NUP133: variants seen among roughly 807,000 people sequenced by gnomAD.
NUP133 encodes nucleoporin 133.
In NUP133, 66 loss-of-function variants were observed where a neutral mutation model predicts 146.2. The observed-to-expected ratio is 0.45, with a 90% CI of 0.37 to 0.55. NUP133 has a LOEUF of 0.55. Among genes scored for constraint, NUP133 ranks in the 20% least tolerant of loss-of-function variants. The pLI is 0.00. For missense variants in NUP133, 1,277 were observed against 1,374.8 expected (o/e 0.93, Z 1.12); for synonymous variants, 521 against 498.8 (o/e 1.04, Z -0.59).
chr1:229,452,717 A>G, intron 21 of NUP133, 74 bp from the exon 22 acceptor site: 1 of 1,125,228 alleles, frequency 8.9e-7, no homozygotes, highest in Non-Finnish European at 1.3e-6. Flanking sequence ...TTGCTGTCAT[A>G]AAACAAATCT....
chr1:229,444,157 C>T (rs964139989), intron 25 of NUP133, among the ~76,000 whole-genome samples: 7 of 151,840 alleles, frequency 4.6e-5, no homozygotes, highest in Admixed American at 1.3e-4. Flanking sequence ...ATGGTGAAAC[C>T]CTGTCTCTAC....
chr1:229,442,319 T>C (rs1013404348), intron 25 of NUP133, among the ~76,000 whole-genome samples: 1 of 152,250 alleles, frequency 6.6e-6, no homozygotes, highest in Non-Finnish European at 1.5e-5. Context: ...TTTTCATGTA[T>C]TCCCAAGCTT....
chr1:229,495,128 C>T (rs1661624037), intron 8 of NUP133, among the ~76,000 whole-genome samples: 1 of 152,190 alleles, frequency 6.6e-6, no homozygotes, highest in African/African-American at 2.4e-5. Flanking sequence ...GTGGCTCACA[C>T]CCGTAATCGC....
intron 21 of NUP133, 99 bp downstream of exon 21, chr1:229,458,062 T>A: frequency 7.9e-7 from 1 of 1,269,260 alleles, no homozygotes; most frequent in Non-Finnish European, 1.1e-6. Context: ...ACAGGTCCTG[T>A]TTCTAAGAGA....
In NUP133 at chr1:229,508,312, C is replaced by T. The variant is rs1404256129; in HGVS notation, c.-63G>A. On this transcript the variant is annotated 5_prime_UTR_variant, in exon 1 of 26. Transcript: ENST00000261396. ...GGCCGTCAGGTTGCAGCCTGGCCTG[C>T]GCGCGGAACTTAAACACCTAAGGGA... 7.9e-7 allele frequency: 1 copy of T among 1,268,918 alleles called. No homozygotes were observed. Among genetic ancestry groups the T allele is most frequent in the Non-Finnish European group, 1.0e-6 (1 of 968,302 alleles). The allele number at this position is 1,268,918 out of a possible 1,614,324, so 78.6% of individuals were successfully genotyped here.
intron 6 of NUP133, among the ~76,000 whole-genome samples, chr1:229,496,844 A>G (rs530244549): frequency 3.7e-4 from 57 of 152,314 alleles, no homozygotes; most frequent in Non-Finnish European, 5.3e-4. Flanking sequence ...AAAATAAAAA[A>G]TAATGAAAAA....
intron 6 of NUP133, among the ~76,000 whole-genome samples, 193 bp downstream of exon 6, chr1:229,497,943 A>G (rs1309659048): frequency 1.3e-5 from 2 of 152,260 alleles, no homozygotes; most frequent in African/African-American, 4.8e-5. Flanking sequence ...TAAAGATTTT[A>G]GTGTTACAAG....
chr1:229,446,195 T>C (rs1278373770), intron 24 of NUP133, among the ~76,000 whole-genome samples: 1 of 151,760 alleles, frequency 6.6e-6, no homozygotes, highest in Admixed American at 6.6e-5. Flanking sequence ...TCACCTGAGG[T>C]TGGGAGTTTG....
At chr1:229,462,643 G>A (rs775132827) in intron 19 of NUP133, among the ~76,000 whole-genome samples, 30 of 151,834 alleles carry the variant, frequency 2.0e-4, no homozygotes, top group Non-Finnish European at 3.5e-4. Context: ...CACTGGCCTT[G>A]ACCTCCTGGG....
intron 12 of NUP133, among the ~76,000 whole-genome samples, chr1:229,478,455 G>C (rs73095917): frequency 1.3e-5 from 2 of 151,752 alleles, no homozygotes; most frequent in African/African-American, 4.9e-5. Context: ...GGGAGAACTG[G>C]GGGAGGGGTA....
At chr1:229,485,833 C>T (rs1661335248) in intron 11 of NUP133, among the ~76,000 whole-genome samples, 1 of 152,116 alleles carries the variant, frequency 6.6e-6, no homozygotes, top group African/African-American at 2.4e-5. Context: ...AAAACTGTCT[C>T]AGTTTTGAGA....
chr1:229,499,601 T>C (rs1661746720), intron 5 of NUP133, 83 bp downstream of exon 5: 1 of 1,432,450 alleles, frequency 7.0e-7, no homozygotes, highest in South Asian at 1.4e-5. Flanking sequence ...AGATCCCACC[T>C]CTATTTAAAA....
At chr1:229,445,643 ACTAT>A (rs1457841342) in intron 24 of NUP133, among the ~76,000 whole-genome samples, 1 of 152,200 alleles carries the variant, frequency 6.6e-6, no homozygotes, top group African/African-American at 2.4e-5. Flanking sequence ...TGTAGTTGTG[ACTAT>A]CTACTACTAA....
chr1:229,446,926 A>ACCAGCCTGACCAACATG (rs1395363861), intron 24 of NUP133, among the ~76,000 whole-genome samples: 5 of 152,054 alleles, frequency 3.3e-5, no homozygotes, highest in Admixed American at 2.0e-4. Context: ...GGAGTTCGAG[A>ACCAGCCTGACCAACATG]CCAGCCTGAC....
intron 9 of NUP133, among the ~76,000 whole-genome samples, chr1:229,488,677 C>A (rs4925495): frequency 9.4e-4 from 124 of 132,252 alleles, no homozygotes; most frequent in South Asian, 8.1e-3. Flanking sequence ...GAGTAAGGAT[C>A]AAAAAAAAAA....
rs148628311 is a variant in NUP133 at position 229,487,612 on chromosome 1, G to A, written c.1196C>T (p.Ser399Phe). 5,927 of 1,588,574 alleles carry A rather than the reference G, an allele frequency of 3.7e-3. 23 individuals carry two copies. The highest frequency in any genetic ancestry group is 4.1e-3 in the Non-Finnish European group (4,780 of 1,172,374). Residue 399 changes from serine (S) to phenylalanine (F), a missense_variant and splice_region_variant, in exon 10 of 26, where the codon TCT becomes TTT. Coordinates refer to ENST00000261396, the MANE Select transcript of NUP133 (RefSeq NM_018230.3). ...CAACTGACACAAAATCAGGTCTTCAGACTGAAAGTTAAATTTAAGATTACA... is the reference window on the plus strand; with the variant it reads ...CAACTGACACAAAATCAGGTCTTCAAACTGAAAGTTAAATTTAAGATTACA... Reference protein sequence around the residue: ...EVTQYNPPFQSEDLILCQLTV... With the variant: ...EVTQYNPPFQFEDLILCQLTV...
At chr1:229,470,990 C>G (rs1660943015) in intron 14 of NUP133, among the ~76,000 whole-genome samples, 186 bp from the exon 15 acceptor site, 1 of 152,160 alleles carries the variant, frequency 6.6e-6, no homozygotes, top group African/African-American at 2.4e-5. Context: ...GCCATTAACA[C>G]CCACAAGGAA....
At chr1:229,486,049 C>T (rs964091767) in intron 11 of NUP133, among the ~76,000 whole-genome samples, 1 of 152,026 alleles carries the variant, frequency 6.6e-6, no homozygotes, top group Admixed American at 6.6e-5. Context: ...GTAGTCCCAG[C>T]TATTTAGGAA....
rs147858208 is a variant in NUP133 at position 229,465,158 on chromosome 1, G to A, written c.2299+262C>T. ...AACATAAAATATAGTCCATACCTCC[G>A]GGGCCAGGACTGCTTCTATGAATAA... is the stretch of plus-strand genomic sequence containing the variant. On this transcript the variant is annotated intron_variant, in intron 17 of 25. Transcript: ENST00000261396. 1.9e-3 allele frequency among the ~76,000 whole-genome samples: 283 copies of A among 152,250 alleles called. 1 individual carries two copies. Among genetic ancestry groups the A allele is most frequent in the African/African-American group, 5.9e-3 (247 of 41,556 alleles).
Sources: gnomAD v4.1 joint callset for allele counts (sites outside exome capture counted in the v4.1 genomes callset) on GRCh38, gnomAD v4.1.1 for gene constraint, MANE v1.5 for transcripts, NCBI Gene and HGNC (gene_info 2026-07-23, HGNC 2026-07-21) for gene names.